Variants in DOCK9 observed in about 807,000 individuals in gnomAD.
The protein encoded by DOCK9 is dedicator of cytokinesis 9, also known as dedicator of cytokinesis protein 9.
Under a neutral mutation model 263.3 loss-of-function variants are expected in DOCK9, and 89 were observed. That is an observed-to-expected ratio of 0.34 (90% CI 0.28 to 0.40). The LOEUF is 0.40. Ranked by LOEUF, DOCK9 falls within the 10% of genes least tolerant of loss-of-function variation. DOCK9 has a pLI of 1.00. For missense variants in DOCK9, 2,140 were observed against 2,603.4 expected (o/e 0.82, Z 3.87); for synonymous variants, 976 against 973.1 (o/e 1.00, Z -0.06).
At position 98,946,289 on chromosome 13, in the gene DOCK9, A is replaced by C. The variant is rs144650981; in HGVS notation, c.243+9146T>G. Among the ~76,000 whole-genome samples the C allele has an allele frequency of 6.9e-3, 1,053 of 152,284 alleles. 16 individuals are homozygous for C. Among genetic ancestry groups the C allele is most frequent in the South Asian group, 0.047 (224 of 4,814 alleles). On this transcript the variant is annotated intron_variant, in intron 2 of 52. Coordinates refer to ENST00000682017, the MANE Select transcript of DOCK9 (RefSeq NM_001366683.2). ...AAGGAGAGAACCCAGAAGACTTGAG[A>C]GGAGTCTCTCGCATTAATCCAGGTA...
At chr13:98,804,627 G>C (rs2090479661) in intron 49 of DOCK9, among the ~76,000 whole-genome samples, 1 of 152,142 alleles carries the variant, frequency 6.6e-6, no homozygotes, top group Admixed American at 6.5e-5. Context: ...GTGTGAGACG[G>C]GTCCCTCCCT....
rs561506492 is a variant in DOCK9 at position 98,797,270 on chromosome 13, G to C, written c.6018-17C>G. 1 of 1,613,634 alleles carries C rather than the reference G, an allele frequency of 6.2e-7. No homozygotes were observed. Among genetic ancestry groups the C allele is most frequent in the Non-Finnish European group, 8.5e-7 (1 of 1,179,734 alleles). On this transcript the variant is annotated splice_polypyrimidine_tract_variant and intron_variant, in intron 51 of 52. Transcript: ENST00000682017. ...ACAAATTGCCTGGAATGGTACAGGC[G>C]GGAGAAACAAAGGCACGCAGAGGAT...
At chr13:98,845,243 G>A (rs931598083) in intron 38 of DOCK9, 3 of 957,524 alleles carry the variant, frequency 3.1e-6, no homozygotes, top group African/African-American at 1.7e-5. Flanking sequence ...AAGCCCCAAA[G>A]TTAGGAAGGC....
At chr13:98,855,518 A>G (rs2093686122) in intron 34 of DOCK9, among the ~76,000 whole-genome samples, 1 of 152,058 alleles carries the variant, frequency 6.6e-6, no homozygotes, top group Non-Finnish European at 1.5e-5. Context: ...GTTGCAGTGA[A>G]TTGAGATCGT....
chr13:98,992,362 C>T (rs1207608801), intron 1 of DOCK9, among the ~76,000 whole-genome samples: 13 of 152,166 alleles, frequency 8.5e-5, no homozygotes, highest in East Asian at 1.9e-4. Flanking sequence ...AAGGGCACTC[C>T]GATCTCCCCC....
At chr13:99,051,111 G>A (rs748002781) in intron 1 of DOCK9, among the ~76,000 whole-genome samples, 16 of 152,140 alleles carry the variant, frequency 1.1e-4, no homozygotes, top group Non-Finnish European at 1.3e-4. Context: ...ACTGTGTTCT[G>A]TGCAACTTCC....
At chr13:98,907,357 C>T (rs140544261) in intron 9 of DOCK9, among the ~76,000 whole-genome samples, 1 of 152,174 alleles carries the variant, frequency 6.6e-6, no homozygotes. Flanking sequence ...AATGTAGATG[C>T]AATTCCTAGT....
chr13:98,885,942 G>A, intron 19 of DOCK9, 111 bp from the exon 20 acceptor site: 1 of 1,036,168 alleles, frequency 9.7e-7, no homozygotes, highest in Non-Finnish European at 1.3e-6. Flanking sequence ...TGTTCTCCGA[G>A]CGGATATTAA....
intron 1 of DOCK9, among the ~76,000 whole-genome samples, chr13:99,012,692 T>G (rs930650396): frequency 6.6e-6 from 1 of 152,168 alleles, no homozygotes; most frequent in Non-Finnish European, 1.5e-5. Flanking sequence ...GCGTCATCAA[T>G]AGAGGTAGTC....
chr13:98,933,865 C>CTGT (rs71724333), intron 2 of DOCK9, among the ~76,000 whole-genome samples: 5,772 of 148,990 alleles, frequency 0.039, 141 homozygotes, highest in Admixed American at 0.064. Flanking sequence ...AACCTAGCCT[C>CTGT]TGTTGTTGTT....
chr13:98,904,533 T>C, intron 10 of DOCK9, 99 bp downstream of exon 10: 1 of 973,322 alleles, frequency 1.0e-6, no homozygotes, highest in Non-Finnish European at 1.5e-6. Context: ...TTGCTTGTTT[T>C]TCCAAAATAA....
chr13:98,882,152 CTG>C (rs2044878733), intron 23 of DOCK9, 145 bp from the exon 24 acceptor site: 1 of 698,340 alleles, frequency 1.4e-6, no homozygotes, highest in South Asian at 1.8e-5. Flanking sequence ...CCAGAGGCGT[CTG>C]TGTCTTAGTC....
At chr13:98,872,335 C>G (rs1439718156) in intron 27 of DOCK9, among the ~76,000 whole-genome samples, 1 of 152,170 alleles carries the variant, frequency 6.6e-6, no homozygotes, top group East Asian at 1.9e-4. Flanking sequence ...TGGTTACTCC[C>G]CTTTATCAAG....
chr13:99,037,627 A>G (rs1312487078), intron 1 of DOCK9, among the ~76,000 whole-genome samples: 1 of 152,264 alleles, frequency 6.6e-6, no homozygotes, highest in East Asian at 1.9e-4. Context: ...TTTACCCAAG[A>G]GAAATTAAAA....
At chr13:99,032,891 G>A (rs1887495768) in intron 1 of DOCK9, among the ~76,000 whole-genome samples, 1 of 152,180 alleles carries the variant, frequency 6.6e-6, no homozygotes, top group Non-Finnish European at 1.5e-5. Flanking sequence ...ATCAGGAGTA[G>A]TGAGGTTACA....
At chr13:99,083,886 AT>A (rs961754494) in intron 1 of DOCK9, among the ~76,000 whole-genome samples, 1 of 152,148 alleles carries the variant, frequency 6.6e-6, no homozygotes, top group Admixed American at 6.5e-5. Flanking sequence ...ACATAGTTTA[AT>A]TTTTTTTAAA....
intron 1 of DOCK9, among the ~76,000 whole-genome samples, chr13:99,040,424 C>CAAACAAAA (rs1424021848): frequency 3.3e-5 from 5 of 151,148 alleles, no homozygotes; most frequent in African/African-American, 1.2e-4. Context: ...TGAAAAGAAA[C>CAAACAAAA]AAACAAAAAA....
At chr13:98,919,859 C>T (rs750985119) in intron 7 of DOCK9, among the ~76,000 whole-genome samples, 5 of 152,228 alleles carry the variant, frequency 3.3e-5, no homozygotes, top group Non-Finnish European at 5.9e-5. Flanking sequence ...AAAACATACG[C>T]TTTCTCCTTA....
At chr13:99,041,143 AGAT>A (rs1566342845) in intron 1 of DOCK9, among the ~76,000 whole-genome samples, 1 of 152,130 alleles carries the variant, frequency 6.6e-6, no homozygotes, top group African/African-American at 2.4e-5. Context: ...TAAGACAAGC[AGAT>A]GTATTTTTTT....
Sources: gnomAD v4.1 joint callset for allele counts (sites outside exome capture counted in the v4.1 genomes callset) on GRCh38, gnomAD v4.1.1 for gene constraint, MANE v1.5 for transcripts, NCBI Gene and HGNC (gene_info 2026-07-23, HGNC 2026-07-21) for gene names.